IP6K3: variants seen among roughly 807,000 people sequenced by gnomAD.
IP6K3 encodes inositol hexakisphosphate kinase 3, also known as ATP:1D-myo-inositol-hexakisphosphate phosphotransferase.
A neutral mutation model predicts 28.8 loss-of-function variants in IP6K3; 20 were observed. The observed-to-expected ratio is 0.70, with a 90% CI of 0.49 to 1.01. IP6K3 has a LOEUF of 1.01. IP6K3 is among the 50% of genes least tolerant of loss of function. The pLI, the probability that IP6K3 is intolerant of heterozygous loss-of-function variation, is 0.00. For missense variants in IP6K3, 480 were observed against 537.1 expected (o/e 0.89, Z 1.05); for synonymous variants, 213 against 221.3 (o/e 0.96, Z 0.33).
At chr6:33,740,333 G>A (rs575813516) in intron 1 of IP6K3, among the ~76,000 whole-genome samples, 14 of 152,224 alleles carry the variant, frequency 9.2e-5, no homozygotes, top group Non-Finnish European at 1.8e-4. Flanking sequence ...CTGCCCTGTC[G>A]TTGCATCATG....
At position 33,744,510 on chromosome 6, in the gene IP6K3, G is replaced by C. The variant is rs974343088; in HGVS notation, c.-180+2248C>G. On this transcript the variant is annotated intron_variant, in intron 1 of 5. Transcript: ENST00000293756. The surrounding 1 kb of genome is among the most constrained non-coding windows in gnomAD (Gnocchi z 4.4). ...TATGTTTGTGTGAGTGTGTGTGAAT[G>C]CTTGTGCGTGTGTGGGAGTGTGTGG... 2.6e-5 allele frequency among the ~76,000 whole-genome samples: 4 copies of C among 152,184 alleles called. No individual in the cohort carries two copies. Among genetic ancestry groups the C allele is most frequent in the African/African-American group, 9.7e-5 (4 of 41,446 alleles).
the IP6K3 span, among the ~76,000 whole-genome samples, chr6:33,761,939 CTG>C: frequency 6.6e-6 from 1 of 152,128 alleles, no homozygotes; most frequent in African/African-American, 2.4e-5. Context: ...TGGCAGCCTG[CTG>C]TGTGGCACTC....
Position 33,735,184 on chromosome 6 carries a change from A to G in IP6K3, c.199+94T>C, listed in dbSNP as rs1475814832. ...CGCGTCTCTGTGGCAACCCTTACACACACCCACACCACAGGAGGACGTGGT... is the reference window on the plus strand; with the variant it reads ...CGCGTCTCTGTGGCAACCCTTACACGCACCCACACCACAGGAGGACGTGGT... On this transcript the variant is annotated intron_variant, in intron 2 of 5. Transcript: ENST00000293756. The G allele has an allele frequency of 1.8e-5, 19 of 1,069,794 alleles. No individual in the cohort carries two copies. In the Admixed American group the frequency reaches 3.6e-4, roughly 20 times the overall value. 66.3% of individuals were successfully genotyped at this position (1,069,794 alleles called of 1,614,324 possible).
rs1766822614 is a variant in IP6K3, at chr6:33,744,086, CAG to C, written c.-180+2670_-180+2671del. ...ACTGGAAGGGCTGCTCTGGGGGAGG[CAG>C]AGGCTGCGAGGGCTTCTCCCTCTTG... On this transcript the variant is annotated intron_variant, in intron 1 of 5. Coordinates refer to ENST00000293756, the MANE Select transcript of IP6K3 (RefSeq NM_054111.5). This position sits in a 1 kb window ranked among gnomAD's most constrained non-coding sequence, Gnocchi z 4.4. Among the ~76,000 whole-genome samples, 1 of 152,166 alleles carries C rather than the reference CAG, an allele frequency of 6.6e-6. No individual in the cohort carries two copies. Among genetic ancestry groups the C allele is most frequent in the Admixed American group, 6.5e-5 (1 of 15,278 alleles).
At chr6:33,741,870 G>C (rs2127364404) in intron 1 of IP6K3, among the ~76,000 whole-genome samples, 1 of 151,802 alleles carries the variant, frequency 6.6e-6, no homozygotes, top group African/African-American at 2.4e-5. Flanking sequence ...AGAATCGCTT[G>C]AACCTGGGAG....
At chr6:33,741,497 GT>G (rs916101010) in intron 1 of IP6K3, among the ~76,000 whole-genome samples, 7 of 151,828 alleles carry the variant, frequency 4.6e-5, no homozygotes, top group African/African-American at 1.2e-4. Flanking sequence ...ATTTTAAAAA[GT>G]AGCCAGGTGT....
the IP6K3 span, among the ~76,000 whole-genome samples, chr6:33,760,806 G>A: frequency 9.9e-5 from 15 of 152,120 alleles, no homozygotes; most frequent in Non-Finnish European, 2.1e-4. Context: ...GATTACAGGA[G>A]TGAGCCATCG....
the IP6K3 span, among the ~76,000 whole-genome samples, chr6:33,752,002 A>G: frequency 3.3e-5 from 5 of 152,184 alleles, no homozygotes; most frequent in East Asian, 9.6e-4. Context: ...ACCACACCAC[A>G]TCTGGCTGAG....
chr6:33,758,491 A>G, the IP6K3 span, among the ~76,000 whole-genome samples: 4 of 152,156 alleles, frequency 2.6e-5, no homozygotes, highest in African/African-American at 7.2e-5. Flanking sequence ...GCACCACTGC[A>G]CTCCAGCCTG....
upstream of IP6K3, among the ~76,000 whole-genome samples, chr6:33,747,238 G>A (rs1224742430): frequency 6.6e-6 from 1 of 152,156 alleles, no homozygotes; most frequent in African/African-American, 2.4e-5. This position sits in a 1 kb window ranked among gnomAD's most constrained non-coding sequence, Gnocchi z 5.2. Context: ...GGGGGTTCAT[G>A]CTCTCCCTTC....
upstream of IP6K3, among the ~76,000 whole-genome samples, chr6:33,750,212 C>T (rs1301155738): frequency 6.6e-6 from 1 of 152,206 alleles, no homozygotes. This position sits in a 1 kb window ranked among gnomAD's most constrained non-coding sequence, Gnocchi z 4.3. Context: ...ACTTCAGTAG[C>T]TCCTCATGTT....
chr6:33,755,863 T>C, the IP6K3 span, among the ~76,000 whole-genome samples: 1 of 152,178 alleles, frequency 6.6e-6, no homozygotes, highest in African/African-American at 2.4e-5. Flanking sequence ...TTTTTATTAT[T>C]TTATTTTATT....
chr6:33,735,306 G>T lies in IP6K3; in HGVS notation c.171C>A (p.Ala57=), dbSNP rs757976900. 1.7e-5 allele frequency: 27 copies of T among 1,611,978 alleles called. No homozygotes were observed. Among genetic ancestry groups the T allele is most frequent in the Non-Finnish European group, 2.1e-5 (25 of 1,179,308 alleles). ...TGTACTGTGGGGTGAACCGCTTCAT[G>T]GCCAGCGGCAGGGATTCATAGAACC... The part of the protein sequence containing the change: ...EQRFYESLPL[A]MKRFTPQYKG... Residue 57 remains alanine (A), a synonymous_variant, in exon 2 of 6, where the codon GCC becomes GCA. Coordinates refer to ENST00000293756, the MANE Select transcript of IP6K3 (RefSeq NM_054111.5).
chr6:33,741,975 C>CA lies in IP6K3; in HGVS notation c.-180+4782dup, dbSNP rs10562436. On this transcript the variant is annotated intron_variant, in intron 1 of 5. Coordinates refer to ENST00000293756, the MANE Select transcript of IP6K3 (RefSeq NM_054111.5). ...TCAGAAAAAAATAAACAAAAACAAGCAAAAAAAAAAAAAACAAAGCAACTT... is the reference window on the plus strand; with the variant it reads ...TCAGAAAAAAATAAACAAAAACAAGCAAAAAAAAAAAAAAACAAAGCAACTT... Among the ~76,000 whole-genome samples, 733 of 147,172 alleles carry CA rather than the reference C, an allele frequency of 5.0e-3. 8 individuals are homozygous for CA. Among genetic ancestry groups the CA allele is most frequent in the African/African-American group, 0.016 (661 of 40,160 alleles).
rs1765961731 is a variant in IP6K3, at chr6:33,722,956, G to T, written c.997C>A (p.Gln333Lys). ...CCTGGGGCTCTTTCTGGTGGTTCCT[G>T]CCCATCATAGATGACAAGGAGAGAG... Reference protein sequence around the residue: ...SSSLLVIYDGQEPPERAPGSP... With the variant: ...SSSLLVIYDGKEPPERAPGSP... The change falls in exon 6 of 6, where the codon CAG (glutamine) becomes AAG (lysine). Residue 333 changes from glutamine to lysine, a missense_variant. Coordinates refer to ENST00000293756, the MANE Select transcript of IP6K3 (RefSeq NM_054111.5). The T allele has an allele frequency of 1.9e-6, 3 of 1,613,924 alleles. No individual in the cohort carries two copies. Among genetic ancestry groups the T allele is most frequent in the Non-Finnish European group, 2.5e-6 (3 of 1,180,014 alleles).
the IP6K3 span, among the ~76,000 whole-genome samples, chr6:33,753,237 G>A: frequency 2.0e-5 from 3 of 151,948 alleles, no homozygotes; most frequent in Non-Finnish European, 4.4e-5. Flanking sequence ...TAATAACATG[G>A]GGCTTGGTCT....
At chr6:33,732,521 G>T (rs958328860) in intron 2 of IP6K3, among the ~76,000 whole-genome samples, 1 of 152,178 alleles carries the variant, frequency 6.6e-6, no homozygotes, top group African/African-American at 2.4e-5. Context: ...ACTGACACCC[G>T]AGTCCACCCC....
rs114531175 is a variant in IP6K3 at position 33,735,161 on chromosome 6, C to T, written c.199+117G>A. 5,004 of 785,526 alleles carry T rather than the reference C, an allele frequency of 6.4e-3. 31 individuals are homozygous for T. The highest frequency in any genetic ancestry group is 0.01 in the Admixed American group (392 of 37,752). 48.7% of individuals were successfully genotyped at this position (785,526 alleles called of 1,614,324 possible). On this transcript the variant is annotated intron_variant, in intron 2 of 5. Coordinates refer to ENST00000293756, the MANE Select transcript of IP6K3 (RefSeq NM_054111.5). ...GGCCAGCCCCGCTGGGAGAGGGGCG[C>T]GTCTCTGTGGCAACCCTTACACACA...
chr6:33,757,863 G>A, the IP6K3 span, among the ~76,000 whole-genome samples: 2 of 152,306 alleles, frequency 1.3e-5, no homozygotes, highest in South Asian at 2.1e-4. Context: ...AGGCGGGCCG[G>A]CCATCAAGGG....
Sources: allele counts gnomAD v4.1 joint callset (sites outside exome capture counted in the v4.1 genomes callset), GRCh38; gene constraint gnomAD v4.1.1; non-coding constraint Gnocchi (gnomAD v3.1); transcripts MANE v1.5; gene names NCBI Gene and HGNC (gene_info 2026-07-23, HGNC 2026-07-21).